Variants in TRIM35 observed in about 807,000 individuals in gnomAD.
The protein encoded by TRIM35 is E3 ubiquitin-protein ligase TRIM35.
TRIM35 carries 37 observed loss-of-function variants against 49.1 expected under a neutral mutation model. The observed-to-expected ratio is 0.75, with a 90% CI of 0.58 to 0.99. TRIM35 has a LOEUF of 0.99. TRIM35 is among the 50% of genes least tolerant of loss of function. The pLI is 0.00. For synonymous variants in TRIM35, 302 were observed against 289.3 expected (o/e 1.04, Z -0.45); for missense variants, 648 against 702.7 (o/e 0.92, Z 0.88).
intron 2 of TRIM35, among the ~76,000 whole-genome samples, chr8:27,298,168 T>C (rs73565910): frequency 0.013 from 1,907 of 152,296 alleles, 35 homozygotes; most frequent in African/African-American, 0.041. Context: ...CAGGTCATCA[T>C]TGAACACACA....
At position 27,310,822 on chromosome 8, in the gene TRIM35, C is replaced by G. The variant is rs1483806621; in HGVS notation, c.414G>C (p.Lys138Asn). ...TTACCCGAAAGTCGTGGGCAGTGTC[C>G]TTCACCGGCTGCACGCGGTGCCCCT... ...RHQGHRVQPV[K>N]DTAHDFRAKC... is the part of the protein sequence containing the mutation. The change falls in exon 1 of 6, where the codon AAG (lysine) becomes AAC (asparagine). Residue 138 changes from lysine to asparagine, a missense_variant. Transcript: ENST00000305364. 1 of 1,605,372 alleles carries G rather than the reference C, an allele frequency of 6.2e-7. No individual in the cohort carries two copies. Among genetic ancestry groups the G allele is most frequent in the Non-Finnish European group, 8.5e-7 (1 of 1,174,414 alleles).
At chr8:27,310,752 C>T (rs1802916772) in intron 1 of TRIM35, 49 bp downstream of exon 1, 2 of 1,527,238 alleles carry the variant, frequency 1.3e-6, no homozygotes, top group Admixed American at 2.0e-5. Context: ...CCAAGGGATT[C>T]CGGGTTCCAG....
intron 1 of TRIM35, among the ~76,000 whole-genome samples, chr8:27,309,704 C>T (rs1430305726): frequency 6.6e-6 from 1 of 151,986 alleles, no homozygotes; most frequent in Non-Finnish European, 1.5e-5. Flanking sequence ...TAACAGAGGC[C>T]AGGCGGAGTG....
chr8:27,300,502 C>A (rs1802661331), intron 1 of TRIM35, among the ~76,000 whole-genome samples: 1 of 152,062 alleles, frequency 6.6e-6, no homozygotes, highest in Non-Finnish European at 1.5e-5. Context: ...AATTCCTGAC[C>A]CAAAGAAACT....
chr8:27,305,188 C>T (rs2130312440), intron 1 of TRIM35, among the ~76,000 whole-genome samples: 1 of 152,366 alleles, frequency 6.6e-6, no homozygotes, highest in Middle Eastern at 3.4e-3. Context: ...TCTTAAGTGC[C>T]ACCTACATGC....
intron 1 of TRIM35, 70 bp downstream of exon 1, chr8:27,310,731 G>A (rs553016839): frequency 6.7e-7 from 1 of 1,482,850 alleles, no homozygotes; most frequent in South Asian, 1.3e-5. Context: ...GGAGGGGCGG[G>A]AGCCGCAGAG....
chr8:27,297,529 G>A (rs1802594276), intron 2 of TRIM35, among the ~76,000 whole-genome samples: 1 of 152,178 alleles, frequency 6.6e-6, no homozygotes, highest in South Asian at 2.1e-4. Context: ...GTCACCTATT[G>A]TGTGCCAAGA....
intron 1 of TRIM35, among the ~76,000 whole-genome samples, chr8:27,301,012 G>A (rs1181697527): frequency 6.6e-6 from 1 of 152,188 alleles, no homozygotes; most frequent in Non-Finnish European, 1.5e-5. Flanking sequence ...AGGATGGGAA[G>A]GGGATAGTCC....
Position 27,285,434 on chromosome 8 carries a change from T to C in TRIM35, c.*2116A>G, listed in dbSNP as rs1426256838. Reference sequence around the variant, plus strand: ...AAGTTCCTAGCAGCATTATGTATAATAGTCAAGAAGTAGAAACGATCCAAA... The same window carrying C: ...AAGTTCCTAGCAGCATTATGTATAACAGTCAAGAAGTAGAAACGATCCAAA... On this transcript the variant is annotated 3_prime_UTR_variant, in exon 6 of 6. Coordinates refer to ENST00000305364, the MANE Select transcript of TRIM35 (RefSeq NM_171982.5). 6.6e-6 allele frequency: 1 copy of C among 152,154 alleles called. No homozygotes were observed. Among genetic ancestry groups the C allele is most frequent in the Non-Finnish European group, 1.5e-5 (1 of 68,036 alleles). 9.4% of individuals were successfully genotyped at this position (152,154 alleles called of 1,614,324 possible). A position where few individuals can be genotyped will look rare whatever the true frequency, so the allele number is the denominator to read the frequency against.
Position 27,285,309 on chromosome 8 carries a change from T to C in TRIM35, c.*2241A>G, listed in dbSNP as rs151005940. ...CATTGGAAAACAGTTTGGGAGTCCC[T>C]CAAGGGTTAAATAGAGTTTCATATG... On this transcript the variant is annotated 3_prime_UTR_variant, in exon 6 of 6. Transcript: ENST00000305364. 1 of 152,306 alleles carries C rather than the reference T, an allele frequency of 6.6e-6. No individual in the cohort carries two copies. The highest frequency in any genetic ancestry group is 1.9e-4 in the East Asian group (1 of 5,186). 9.4% of individuals were successfully genotyped at this position (152,306 alleles called of 1,614,324 possible).
At chr8:27,288,176 G>T in intron 5 of TRIM35, 49 bp from the exon 6 acceptor site, 1 of 1,524,386 alleles carries the variant, frequency 6.6e-7, no homozygotes, top group Non-Finnish European at 8.9e-7. Flanking sequence ...AGGTCCCTTA[G>T]GCCACACGTG....
rs1338871369 is a variant in TRIM35, at chr8:27,311,056, G to C, written c.180C>G (p.Cys60Trp). 1 of 1,597,594 alleles carries C rather than the reference G, an allele frequency of 6.3e-7. No homozygotes were observed. Among genetic ancestry groups the C allele is most frequent in the Admixed American group, 1.8e-5 (1 of 56,964 alleles). ...EVQVSPTCPV[C>W]KDRASPADLR... is the part of the protein sequence containing the mutation. ...GGTCGGCGGGTGACGCGCGGTCTTTGCACACTGGGCAGGTGGGCGACACCT... is the reference window on the plus strand; with the variant it reads ...GGTCGGCGGGTGACGCGCGGTCTTTCCACACTGGGCAGGTGGGCGACACCT... Residue 60 changes from cysteine (C) to tryptophan (W), a missense_variant, in exon 1 of 6, where the codon TGC (cysteine) becomes TGG (tryptophan). Cys to Trp is a radical substitution (Grantham distance 215). Coordinates refer to ENST00000305364, the MANE Select transcript of TRIM35 (RefSeq NM_171982.5).
At chr8:27,303,157 A>T (rs1802713388) in intron 1 of TRIM35, among the ~76,000 whole-genome samples, 2 of 152,184 alleles carry the variant, frequency 1.3e-5, no homozygotes. Flanking sequence ...AATTTTATCA[A>T]ATGTTTTCTC....
At chr8:27,303,980 C>T (rs1408037805) in intron 1 of TRIM35, among the ~76,000 whole-genome samples, 2 of 152,224 alleles carry the variant, frequency 1.3e-5, no homozygotes, top group African/African-American at 2.4e-5. Context: ...AGGCATGAGC[C>T]ACCGCGTCCA....
At chr8:27,308,715 A>G (rs1802838517) in intron 1 of TRIM35, among the ~76,000 whole-genome samples, 1 of 152,226 alleles carries the variant, frequency 6.6e-6, no homozygotes, top group African/African-American at 2.4e-5. Context: ...ACCCTGCATC[A>G]GGCTGACCAC....
chr8:27,309,984 A>G (rs1312593835), intron 1 of TRIM35, among the ~76,000 whole-genome samples: 1 of 29,978 alleles, frequency 3.3e-5, no homozygotes, highest in Non-Finnish European at 7.0e-5. Flanking sequence ...AGAGGTCTCA[A>G]AAAAAAAAAA....
chr8:27,298,376 G>C (rs1279810720), intron 2 of TRIM35, 88 bp downstream of exon 2: 1 of 1,344,432 alleles, frequency 7.4e-7, no homozygotes, highest in East Asian at 2.3e-5. Context: ...GGTTATGTGA[G>C]CCAAAGCCAC....
chr8:27,288,304 G>A (rs908542565), intron 5 of TRIM35, among the ~76,000 whole-genome samples, 177 bp from the exon 6 acceptor site: 9 of 152,124 alleles, frequency 5.9e-5, no homozygotes, highest in Middle Eastern at 3.2e-3. Flanking sequence ...GAAGATATGC[G>A]GCAGTCCCAA....
chr8:27,298,573 G>T lies in TRIM35; in HGVS notation c.436-14C>A. The T allele has an allele frequency of 6.2e-7, 1 of 1,610,332 alleles. No homozygotes were observed. Among genetic ancestry groups the T allele is most frequent in the South Asian group, 1.1e-5 (1 of 90,984 alleles). On this transcript the variant is annotated splice_polypyrimidine_tract_variant and intron_variant, in intron 1 of 5. Coordinates refer to ENST00000305364, the MANE Select transcript of TRIM35 (RefSeq NM_171982.5). ...CCTGCACTTGGCCTGACATGGGAAT[G>T]AGAGAGAGGGAGGAAGACAGGTTAG...
Sources: allele counts gnomAD v4.1 joint callset (sites outside exome capture counted in the v4.1 genomes callset), GRCh38; gene constraint gnomAD v4.1.1; transcripts MANE v1.5; gene names NCBI Gene and HGNC (gene_info 2026-07-23, HGNC 2026-07-21).